Variants in SLC25A23 observed in about 807,000 individuals in gnomAD.
SLC25A23 encodes the protein solute carrier family 25 member 23.
In SLC25A23, 32 loss-of-function variants were observed where a neutral mutation model predicts 53.9. The observed-to-expected ratio is 0.59, with a 90% confidence interval of 0.45 to 0.80. The LOEUF is 0.80. Among genes scored for constraint, SLC25A23 ranks in the 30% least tolerant of loss-of-function variants. The pLI, the probability that SLC25A23 is intolerant of heterozygous loss-of-function variation, is 0.00. For synonymous variants in SLC25A23, 275 were observed against 264.5 expected, an observed-to-expected ratio of 1.04 and a Z score of -0.38; for missense variants, 575 against 651.4, an observed-to-expected ratio of 0.88 and a Z score of 1.28.
chr19:6,449,861 T>C (rs2092562110), intron 8 of SLC25A23, among the ~76,000 whole-genome samples: 1 of 61,554 alleles, frequency 1.6e-5, no homozygotes, highest in African/African-American at 3.4e-5. Flanking sequence ...ACAACTCTTT[T>C]TTTTTTTTTT....
rs2092421944 is a variant in SLC25A23 at position 6,441,618 on chromosome 19, T to A, written c.*357A>T. ...TAGGATGTGGGGCTGCAGGATCCAG[T>A]GATTTGGGGGATGGGGATTAAGGGC... On this transcript the variant is annotated 3_prime_UTR_variant, in exon 10 of 10. Coordinates refer to ENST00000301454, the MANE Select transcript of SLC25A23 (RefSeq NM_024103.3). 3.5e-6 allele frequency: 1 copy of A among 286,370 alleles called. No homozygotes were observed. The highest frequency in any genetic ancestry group is 6.7e-6 in the Non-Finnish European group (1 of 148,150). 17.7% of individuals were successfully genotyped at this position (286,370 alleles called of 1,614,324 possible).
At position 6,459,244 on chromosome 19, in the gene SLC25A23, G is replaced by C. The variant is rs2092725633; in HGVS notation, c.156+229C>G. 6.6e-6 allele frequency among the ~76,000 whole-genome samples: 1 copy of C among 152,188 alleles called. No homozygotes were observed. The highest frequency in any genetic ancestry group is 1.5e-5 in the Non-Finnish European group (1 of 68,018). On this transcript the variant is annotated intron_variant, in intron 1 of 9. Transcript: ENST00000301454. The surrounding 1 kb of genome is among the most constrained non-coding windows in gnomAD (Gnocchi z 4.6). ...GGCAGACGCCCCCTGCCCCGCAGCA[G>C]GGGGATCGGGTGTTGGCCGCGGAAC...
At chr19:6,443,020 C>T (rs755516620) in intron 9 of SLC25A23, among the ~76,000 whole-genome samples, 32 of 150,522 alleles carry the variant, frequency 2.1e-4, no homozygotes, top group Non-Finnish European at 4.0e-4. Context: ...CTTACTGCAA[C>T]CTATGCCTGC....
At chr19:6,439,175 G>A (rs965124501), downstream of SLC25A23, among the ~76,000 whole-genome samples, 9 of 151,932 alleles carry the variant, frequency 5.9e-5, no homozygotes, top group East Asian at 1.9e-4. Context: ...AGCCGAGATC[G>A]CACCACTGCA....
Position 6,454,284 on chromosome 19 carries a change from C to T in SLC25A23, c.795+39G>A. 6.3e-7 allele frequency: 1 copy of T among 1,596,874 alleles called. No individual in the cohort carries two copies. Among genetic ancestry groups the T allele is most frequent in the Non-Finnish European group, 8.5e-7 (1 of 1,170,038 alleles). ...AAATCTTTATGTACAGCCCAGTCTT[C>T]CCTATGGCAAGCACATTCCTCCCTG... On this transcript the variant is annotated intron_variant, in intron 6 of 9. Coordinates refer to ENST00000301454, the MANE Select transcript of SLC25A23 (RefSeq NM_024103.3). The surrounding 1 kb of genome is among the most constrained non-coding windows in gnomAD (Gnocchi z 4.3).
In SLC25A23 at chr19:6,457,596, G is replaced by A; in HGVS notation, c.284-6C>T. The A allele has an allele frequency of 5.6e-6, 9 of 1,613,472 alleles. No individual in the cohort carries two copies. Among genetic ancestry groups the A allele is most frequent in the Non-Finnish European group, 7.6e-6 (9 of 1,179,630 alleles). On this transcript the variant is annotated splice_polypyrimidine_tract_variant and splice_region_variant and intron_variant, in intron 2 of 9. Transcript: ENST00000301454. Reference sequence around the variant, plus strand: ...CTCAGAGACATCAATGTGACCTGGGGAGGGGGCCGGAGGTGGGGAAGGATG... The same window carrying A: ...CTCAGAGACATCAATGTGACCTGGGAAGGGGGCCGGAGGTGGGGAAGGATG...
At position 6,454,592 on chromosome 19, in the gene SLC25A23, C is replaced by A; in HGVS notation, c.609G>T (p.Thr203=). 1 of 1,613,726 alleles carries A rather than the reference C, an allele frequency of 6.2e-7. No homozygotes were observed. Among genetic ancestry groups the A allele is most frequent in the Non-Finnish European group, 8.5e-7 (1 of 1,180,008 alleles). Residue 203 remains threonine, a synonymous_variant, in exon 5 of 10, where the codon ACG becomes ACT. Transcript: ENST00000301454. The surrounding 1 kb of genome is among the most constrained non-coding windows in gnomAD (Gnocchi z 4.3). The part of the protein sequence containing the change: ...AVAGAVSRTG[T]APLDRLKVFM... The stretch of plus-strand genomic sequence containing the variant: ...AGACCTTGAGGCGGTCCAGAGGGGC[C>A]GTGCCTGTCCGTGACACGGCACCTG...
intron 8 of SLC25A23, among the ~76,000 whole-genome samples, chr19:6,450,801 C>T (rs1476580651): frequency 1.3e-5 from 2 of 152,068 alleles, no homozygotes; most frequent in African/African-American, 4.8e-5. Context: ...AATTATTGGC[C>T]AGGTGTGGTG....
intron 4 of SLC25A23, 92 bp downstream of exon 4, chr19:6,456,311 CTTCTGGAAAGTCCTGGT>C: frequency 8.7e-7 from 1 of 1,150,730 alleles, no homozygotes; most frequent in Non-Finnish European, 1.3e-6. Flanking sequence ...GTGCCTTCTC[CTTCTGGAAAGTCCTGGT>C]CCAGCCCATC....
At chr19:6,458,175 G>C (rs2092708155) in intron 2 of SLC25A23, 23 bp downstream of exon 2, 1 of 1,611,180 alleles carries the variant, frequency 6.2e-7, no homozygotes. Context: ...CTTGGGGCCT[G>C]CAGGCAGGTC....
chr19:6,451,032 C>T (rs1054770453), intron 8 of SLC25A23, among the ~76,000 whole-genome samples: 40 of 150,040 alleles, frequency 2.7e-4, no homozygotes, highest in Middle Eastern at 6.9e-3. Context: ...GGGCCGAGAT[C>T]GCGCCACTGC....
chr19:6,458,182 GGT>G lies in SLC25A23; in HGVS notation c.283+14_283+15del. The stretch of plus-strand genomic sequence containing the variant: ...CCCTATCCCTTGGGGCCTGCAGGCA[GGT>G]CGCCCGACCTTACCATCCTGGTTCC... On this transcript the variant is annotated intron_variant, in intron 2 of 9. Transcript: ENST00000301454. 1 of 1,612,260 alleles carries G rather than the reference GGT, an allele frequency of 6.2e-7. No individual in the cohort carries two copies.
rs1402116069 is a variant in SLC25A23, at chr19:6,452,634, A to G, written c.904-155T>C. On this transcript the variant is annotated intron_variant, in intron 7 of 9. Coordinates refer to ENST00000301454, the MANE Select transcript of SLC25A23 (RefSeq NM_024103.3). ...ACTCTAGAATCTTCTGCTATCCCCA[A>G]ATCCCTATACCTAGAAATAGTTACA... 44 of 841,244 alleles carry G rather than the reference A, an allele frequency of 5.2e-5. 1 individual carries two copies. Among genetic ancestry groups the G allele is most frequent in the Non-Finnish European group, 7.2e-5 (41 of 570,156 alleles). 52.1% of individuals were successfully genotyped at this position (841,244 alleles called of 1,614,324 possible).
At chr19:6,448,843 G>A (rs1253144959) in intron 8 of SLC25A23, among the ~76,000 whole-genome samples, 1 of 150,244 alleles carries the variant, frequency 6.7e-6, no homozygotes, top group Non-Finnish European at 1.5e-5. Flanking sequence ...GGCCAACATA[G>A]TGAAACCCCG....
rs2092656345 is a variant in SLC25A23, at chr19:6,454,931, C to T, written c.484-214G>A. ...CTCCTTAGAAGATCCCAATATCCTA[C>T]TAAATCCCACCAAAGGATCTGCCAA... is the stretch of plus-strand genomic sequence containing the variant. On this transcript the variant is annotated intron_variant, in intron 4 of 9. Transcript: ENST00000301454. The surrounding 1 kb of genome is among the most constrained non-coding windows in gnomAD (Gnocchi z 4.3). 6.6e-6 allele frequency among the ~76,000 whole-genome samples: 1 copy of T among 152,188 alleles called. No individual in the cohort carries two copies. Among genetic ancestry groups the T allele is most frequent in the African/African-American group, 2.4e-5 (1 of 41,436 alleles).
Position 6,454,271 on chromosome 19 carries a change from AC to A in SLC25A23, c.795+51del. On this transcript the variant is annotated intron_variant, in intron 6 of 9. Transcript: ENST00000301454. The surrounding 1 kb of genome is among the most constrained non-coding windows in gnomAD (Gnocchi z 4.3). ...AAGCCAATCCCGTAAATCTTTATGT[AC>A]AGCCCAGTCTTCCCTATGGCAAGCA... 1.9e-6 allele frequency: 3 copies of A among 1,580,180 alleles called. No individual in the cohort carries two copies. Among genetic ancestry groups the A allele is most frequent in the Non-Finnish European group, 2.6e-6 (3 of 1,161,218 alleles).
At chr19:6,439,898 C>T (rs1190840787), downstream of SLC25A23, among the ~76,000 whole-genome samples, 1 of 152,040 alleles carries the variant, frequency 6.6e-6, no homozygotes, top group Non-Finnish European at 1.5e-5. Context: ...CAGGGACTCC[C>T]TCCCCTGCTC....
downstream of SLC25A23, chr19:6,436,433 C>G (rs757131229): frequency 4.2e-5 from 19 of 456,172 alleles, no homozygotes; most frequent in Admixed American, 9.4e-5. Context: ...ACATGGTCCT[C>G]TCCATAAGGC....
At chr19:6,442,641 C>T (rs181676949) in intron 9 of SLC25A23, among the ~76,000 whole-genome samples, 24 of 152,020 alleles carry the variant, frequency 1.6e-4, no homozygotes, top group Admixed American at 4.6e-4. Flanking sequence ...CTCCGCCTCC[C>T]GGGTTCAAGC....
Sources: allele counts gnomAD v4.1 joint callset (sites outside exome capture counted in the v4.1 genomes callset), GRCh38; gene constraint gnomAD v4.1.1; non-coding constraint Gnocchi (gnomAD v3.1); transcripts MANE v1.5; gene names NCBI Gene and HGNC (gene_info 2026-07-23, HGNC 2026-07-21).